Variants in MAGI2 observed in about 807,000 individuals in gnomAD.
MAGI2 encodes membrane associated guanylate kinase, WW and PDZ domain containing 2, also known as membrane-associated guanylate kinase, WW and PDZ domain-containing protein 2.
In MAGI2, 35 loss-of-function variants were observed where a neutral mutation model predicts 133.3. The observed-to-expected ratio is 0.26, with a 90% confidence interval of 0.20 to 0.35. The LOEUF (loss-of-function observed/expected upper bound fraction) is 0.35. Among genes scored for constraint, MAGI2 ranks in the 10% least tolerant of loss-of-function variants. The pLI is 1.00. For synonymous variants in MAGI2, 729 were observed against 710.6 expected (o/e 1.03, Z -0.41); for missense variants, 1,636 against 1,863.4 (o/e 0.88, Z 2.25).
At position 78,576,677 on chromosome 7, in the gene MAGI2, A is replaced by C. The variant is rs1802301523; in HGVS notation, c.538+50443T>G. Reference sequence around the variant, plus strand: ...GGTTTCCTTCAATTTATTATCATTAAATCATCCCCTTTTGTCCAGTCACAT... The same window carrying C: ...GGTTTCCTTCAATTTATTATCATTACATCATCCCCTTTTGTCCAGTCACAT... On this transcript the variant is annotated intron_variant, in intron 3 of 21. Transcript: ENST00000354212. Among the ~76,000 whole-genome samples the C allele has an allele frequency of 2.0e-5, 3 of 152,292 alleles. No homozygotes were observed. The South Asian group carries it at 6.2e-4, about 32-fold the overall frequency.
chr7:78,894,862 C>T (rs1369299083), intron 2 of MAGI2, among the ~76,000 whole-genome samples: 1 of 152,138 alleles, frequency 6.6e-6, no homozygotes, highest in African/African-American at 2.4e-5. Context: ...TTCACTACTT[C>T]CAACAGTATT....
intron 1 of MAGI2, among the ~76,000 whole-genome samples, chr7:79,281,732 T>C (rs1312454074): frequency 6.6e-6 from 1 of 152,152 alleles, no homozygotes; most frequent in Non-Finnish European, 1.5e-5. Context: ...CTTGATGTGT[T>C]CCAAATATAG....
chr7:78,856,193 C>T (rs958879513), intron 2 of MAGI2, among the ~76,000 whole-genome samples: 10 of 152,092 alleles, frequency 6.6e-5, no homozygotes, highest in Non-Finnish European at 1.2e-4. Flanking sequence ...TTCTCTCATT[C>T]TGTAGGTTGC....
chr7:78,367,502 T>A (rs375714383), intron 7 of MAGI2, among the ~76,000 whole-genome samples: 1 of 152,344 alleles, frequency 6.6e-6, no homozygotes, highest in African/African-American at 2.4e-5. Flanking sequence ...TAGCTGATGT[T>A]GCTGATGGTT....
intron 7 of MAGI2, among the ~76,000 whole-genome samples, chr7:78,363,654 A>C (rs1793082873): frequency 6.6e-6 from 1 of 151,998 alleles, no homozygotes; most frequent in Admixed American, 6.6e-5. Context: ...GTAATCATGA[A>C]AGTATTGAAA....
rs186166310 is a variant in MAGI2, at chr7:78,317,290, C to A, written c.1408+26488G>T. ...AGGAATTTTCACTCCACTGAGCTTT[C>A]AGAAGATGTATTATTATATCCCACC... On this transcript the variant is annotated intron_variant, in intron 9 of 21. Transcript: ENST00000354212. 1.6e-4 allele frequency among the ~76,000 whole-genome samples: 25 copies of A among 152,262 alleles called. No individual in the cohort carries two copies. In the East Asian group the frequency reaches 4.8e-3, roughly 29 times the overall value.
At chr7:78,571,260 G>C (rs1801470643) in intron 3 of MAGI2, among the ~76,000 whole-genome samples, 1 of 152,094 alleles carries the variant, frequency 6.6e-6, no homozygotes, top group Admixed American at 6.6e-5. Flanking sequence ...GTGAACTCCT[G>C]GATCTCATTC....
At chr7:78,228,359 AAGG>A (rs1243242707) in intron 10 of MAGI2, among the ~76,000 whole-genome samples, 1 of 152,212 alleles carries the variant, frequency 6.6e-6, no homozygotes, top group Non-Finnish European at 1.5e-5. Flanking sequence ...GGAACCAGTG[AAGG>A]AGAATTTCTG....
intron 2 of MAGI2, among the ~76,000 whole-genome samples, chr7:78,834,606 A>G (rs1791457229): frequency 6.6e-6 from 1 of 152,220 alleles, no homozygotes; most frequent in Non-Finnish European, 1.5e-5. Context: ...GGTTGCTTCC[A>G]CTGTTTGTCC....
At position 78,256,016 on chromosome 7, in the gene MAGI2, G is replaced by A. The variant is rs1792932426; in HGVS notation, c.1974C>T (p.Ser658=). ...TAAGTATATCCACTACTTCTGTATG[G>A]CTCAGGTTCTGTACATTCTGCTGGT... ...EINQQNVQNL[S]HTEVVDILKD... is the part of the protein sequence containing the mutation. Residue 658 remains serine, a synonymous_variant, in exon 10 of 22, where the codon AGC becomes AGT. Coordinates refer to ENST00000354212, the MANE Select transcript of MAGI2 (RefSeq NM_012301.4). The A allele has an allele frequency of 4.3e-6, 7 of 1,613,498 alleles. No individual in the cohort carries two copies. Among genetic ancestry groups the A allele is most frequent in the Non-Finnish European group, 5.9e-6 (7 of 1,179,854 alleles).
intron 1 of MAGI2, among the ~76,000 whole-genome samples, chr7:79,325,762 A>C (rs1839645813): frequency 6.6e-6 from 1 of 152,188 alleles, no homozygotes; most frequent in Non-Finnish European, 1.5e-5. Flanking sequence ...CATGTGTATA[A>C]AATGGGAATC....
chr7:78,961,622 C>A (rs1021645158), intron 2 of MAGI2, among the ~76,000 whole-genome samples: 6 of 151,988 alleles, frequency 3.9e-5, no homozygotes, highest in African/African-American at 1.4e-4. Context: ...TACTGTAATG[C>A]CAGCTGAATT....
chr7:78,377,540 G>A (rs1009681849), intron 6 of MAGI2, among the ~76,000 whole-genome samples: 2 of 151,616 alleles, frequency 1.3e-5, no homozygotes, highest in Non-Finnish European at 2.9e-5. Flanking sequence ...TAGTGGGAGA[G>A]GGGGCTGTTC....
intron 20 of MAGI2, among the ~76,000 whole-genome samples, chr7:78,096,878 AAAC>A (rs942038588): frequency 6.6e-6 from 1 of 152,202 alleles, no homozygotes; most frequent in African/African-American, 2.4e-5. Flanking sequence ...TCAACAGAGT[AAAC>A]AACCTACAGA....
intron 1 of MAGI2, among the ~76,000 whole-genome samples, chr7:79,111,969 T>A (rs111852567): frequency 9.2e-4 from 140 of 152,148 alleles, no homozygotes; most frequent in African/African-American, 3.3e-3. Flanking sequence ...GCCCAGCCCA[T>A]ATAGAGATTT....
At chr7:78,752,454 T>C (rs1823543879) in intron 2 of MAGI2, among the ~76,000 whole-genome samples, 1 of 151,198 alleles carries the variant, frequency 6.6e-6, no homozygotes, top group South Asian at 2.1e-4. Context: ...TATACAAAAA[T>C]CAGCTGGGCA....
chr7:78,538,391 C>T (rs1376046724), intron 3 of MAGI2, among the ~76,000 whole-genome samples: 1 of 152,122 alleles, frequency 6.6e-6, no homozygotes, highest in Admixed American at 6.5e-5. Context: ...ATGGGAATTG[C>T]ATTGAATGTA....
rs112875484 is a variant in MAGI2 at position 78,404,388 on chromosome 7, T to C, written c.1046-35175A>G. Among the ~76,000 whole-genome samples, 370 of 152,258 alleles carry C rather than the reference T, an allele frequency of 2.4e-3. 2 individuals are homozygous for C. The highest frequency in any genetic ancestry group is 2.3e-3 in the Non-Finnish European group (158 of 68,016). On this transcript the variant is annotated intron_variant, in intron 6 of 21. Coordinates refer to ENST00000354212, the MANE Select transcript of MAGI2 (RefSeq NM_012301.4). ...CAATCCTAAGCCAAAAGAACAAAGC[T>C]GGAGGCATCATGCTACCTGACTTCA... is the stretch of plus-strand genomic sequence containing the variant.
At chr7:79,435,104 C>G (rs924349378) in intron 1 of MAGI2, among the ~76,000 whole-genome samples, 1 of 152,170 alleles carries the variant, frequency 6.6e-6, no homozygotes, top group Non-Finnish European at 1.5e-5. Context: ...TCCTGCAGAT[C>G]TCAGGATATA....
Sources: allele counts gnomAD v4.1 joint callset (sites outside exome capture counted in the v4.1 genomes callset), GRCh38; gene constraint gnomAD v4.1.1; transcripts MANE v1.5; gene names NCBI Gene and HGNC (gene_info 2026-07-23, HGNC 2026-07-21).